Variants in SPG11 observed in about 807,000 individuals in gnomAD.
SPG11 encodes the protein spatacsin.
Under a neutral mutation model 274.0 loss-of-function variants are expected in SPG11, and 222 were observed. The ratio of observed to expected loss-of-function variants is 0.81; its 90% CI spans 0.73 to 0.91. The LOEUF is 0.91. Ranked by LOEUF, SPG11 falls within the 40% of genes least tolerant of loss-of-function variation. SPG11 has a pLI of 0.00. For synonymous variants in SPG11, 1,144 were observed against 1,039.7 expected, an observed-to-expected ratio of 1.10 and a Z score of -1.93; for missense variants, 3,114 against 2,872.7, an observed-to-expected ratio of 1.08 and a Z score of -1.92.
At chr15:44,582,374 C>G (rs548932811) in intron 30 of SPG11, among the ~76,000 whole-genome samples, 1 of 152,048 alleles carries the variant, frequency 6.6e-6, no homozygotes, top group Non-Finnish European at 1.5e-5. Flanking sequence ...ATAGTGGAAC[C>G]CCATCTCTAC....
At chr15:44,619,947 C>G (rs541674696) in intron 15 of SPG11, among the ~76,000 whole-genome samples, 2 of 152,188 alleles carry the variant, frequency 1.3e-5, no homozygotes, top group African/African-American at 4.8e-5. Flanking sequence ...AACTCCTGAC[C>G]TCAGGTGATC....
In SPG11 at chr15:44,573,566, A is replaced by T; in HGVS notation, c.6186T>A (p.Leu2062=). The T allele has an allele frequency of 6.2e-7, 1 of 1,614,162 alleles. No individual in the cohort carries two copies. Among genetic ancestry groups the T allele is most frequent in the Non-Finnish European group, 8.5e-7 (1 of 1,180,012 alleles). Residue 2062 remains leucine (L), a synonymous_variant, in exon 32 of 40, where the codon CTT becomes CTA. Coordinates refer to ENST00000261866, the MANE Select transcript of SPG11 (RefSeq NM_025137.4). ...GGGCACCTGTTCCCTGTGATGAAGTAAGCAGCTCCCGTGTCACCTCTTCTG... is the reference window on the plus strand; with the variant it reads ...GGGCACCTGTTCCCTGTGATGAAGTTAGCAGCTCCCGTGTCACCTCTTCTG... ...LVAEEVTREL[L]TSSQGTGHKQ...
Position 44,585,648 on chromosome 15 carries a change from C to A in SPG11, c.5109G>T (p.Leu1703Phe). ...AGACCGATGATACCTCTTTAATAACCAAGTTGTCCACAGGTAACTCAGCTA... is the reference window on the plus strand; with the variant it reads ...AGACCGATGATACCTCTTTAATAACAAAGTTGTCCACAGGTAACTCAGCTA... Reference protein sequence around the residue: ...AELAELPVDNLVIKEITQEMQ... With the variant: ...AELAELPVDNFVIKEITQEMQ... Residue 1703 changes from leucine (L) to phenylalanine (F), a missense_variant, in exon 29 of 40, where the codon TTG becomes TTT. Physicochemically the swap from Leu to Phe is conservative, Grantham distance 22. Coordinates refer to ENST00000261866, the MANE Select transcript of SPG11 (RefSeq NM_025137.4). The A allele has an allele frequency of 6.3e-7, 1 of 1,586,614 alleles. No individual in the cohort carries two copies. The highest frequency in any genetic ancestry group is 1.1e-5 in the South Asian group (1 of 90,560).
chr15:44,566,151 A>G, intron 37 of SPG11, 66 bp downstream of exon 37: 1 of 1,602,820 alleles, frequency 6.2e-7, no homozygotes, highest in Non-Finnish European at 8.5e-7. Flanking sequence ...GCCCAAGGAC[A>G]AAAGAAAATA....
intron 11 of SPG11, 42 bp from the exon 12 acceptor site, chr15:44,622,841 A>T: frequency 7.0e-7 from 1 of 1,427,180 alleles, no homozygotes; most frequent in South Asian, 1.1e-5. Flanking sequence ...ACATTTTGTA[A>T]TGGAACTATT....
In SPG11 at chr15:44,589,393, C is replaced by T; in HGVS notation, c.4765G>A (p.Val1589Ile). The T allele has an allele frequency of 6.2e-7, 1 of 1,614,036 alleles. No homozygotes were observed. Among genetic ancestry groups the T allele is most frequent in the Non-Finnish European group, 8.5e-7 (1 of 1,179,928 alleles). ...CACATGGCAGGGATGACAGGGTGGA[C>T]CTTTGTGGCTGCTGTGTTAAGCTAT... ...LETLNTAATK[V>I]HPVIPAMWLE... is the part of the protein sequence containing the mutation. Residue 1589 changes from valine to isoleucine, a missense_variant, in exon 28 of 40, where the codon GTC (valine) becomes ATC (isoleucine). Val to Ile is a conservative substitution (Grantham distance 29, BLOSUM62 3). Transcript: ENST00000261866.
rs1478827562 is a variant in SPG11 at position 44,585,627 on chromosome 15, C to T, written c.5121+9G>A. On this transcript the variant is annotated intron_variant, in intron 29 of 39. Coordinates refer to ENST00000261866, the MANE Select transcript of SPG11 (RefSeq NM_025137.4). Reference sequence around the variant, plus strand: ...TAAAAAAAAAAAAAAAAAAAAAGACCGATGATACCTCTTTAATAACCAAGT... The same window carrying T: ...TAAAAAAAAAAAAAAAAAAAAAGACTGATGATACCTCTTTAATAACCAAGT... 5 of 1,554,272 alleles carry T rather than the reference C, an allele frequency of 3.2e-6. No homozygotes were observed. Among genetic ancestry groups the T allele is most frequent in the South Asian group, 1.1e-5 (1 of 88,240 alleles).
intron 6 of SPG11, among the ~76,000 whole-genome samples, chr15:44,650,937 A>G (rs973987938): frequency 3.3e-5 from 5 of 152,104 alleles, no homozygotes; most frequent in African/African-American, 1.2e-4. Context: ...TAGTAGAGAC[A>G]GGGTTTCACC....
chr15:44,563,068 A>C lies in SPG11; in HGVS notation c.*53T>G. On this transcript the variant is annotated 3_prime_UTR_variant, in exon 40 of 40. Coordinates refer to ENST00000261866, the MANE Select transcript of SPG11 (RefSeq NM_025137.4). ...TCTCCAATGCATTCTTCTTCTCATC[A>C]CATCTGTCAGAATCTGCTAACAGTA... 3 of 1,551,610 alleles carry C rather than the reference A, an allele frequency of 1.9e-6. No individual in the cohort carries two copies. The highest frequency in any genetic ancestry group is 1.7e-4 in the Middle Eastern group (1 of 5,956).
rs1336632469 is a variant in SPG11, at chr15:44,613,553, C to G, written c.3039-17G>C. ...GGACTAAGTCTGTATATAAAACAAA[C>G]AAAAACCTTCTTTGATTAACATACA... On this transcript the variant is annotated splice_polypyrimidine_tract_variant and intron_variant, in intron 16 of 39. Transcript: ENST00000261866. 6.6e-7 allele frequency: 1 copy of G among 1,511,376 alleles called. No individual in the cohort carries two copies. Among genetic ancestry groups the G allele is most frequent in the Non-Finnish European group, 9.2e-7 (1 of 1,087,446 alleles). 93.6% of individuals were successfully genotyped at this position (1,511,376 alleles called of 1,614,324 possible).
intron 33 of SPG11, among the ~76,000 whole-genome samples, chr15:44,571,322 A>G (rs137858702): frequency 1.3e-5 from 2 of 151,686 alleles, no homozygotes; most frequent in East Asian, 3.9e-4. Context: ...CTCTATCTTG[A>G]CCCCATCATT....
At chr15:44,656,632 C>T (rs2084949115) in intron 4 of SPG11, among the ~76,000 whole-genome samples, 1 of 152,028 alleles carries the variant, frequency 6.6e-6, no homozygotes, top group South Asian at 2.1e-4. Context: ...GGGACGACTT[C>T]AAATATTGAT....
In SPG11 at chr15:44,598,781, G is replaced by GT. The variant is rs312262757; in HGVS notation, c.3741dup (p.Pro1248ThrfsTer17). 13 of 1,614,200 alleles carry GT rather than the reference G, an allele frequency of 8.1e-6. No homozygotes were observed. Among genetic ancestry groups the GT allele is most frequent in the Admixed American group, 1.7e-5 (1 of 60,028 alleles). ...CAAACACATGCAGCTCCTATTGAAG[G>GT]TATGTGGAAGGAGGAGAGCCCTATA... On this transcript the variant is annotated frameshift_variant, in exon 22 of 40. Coordinates refer to ENST00000261866, the MANE Select transcript of SPG11 (RefSeq NM_025137.4). LOFTEE classifies it high-confidence loss of function.
At chr15:44,577,168 T>C (rs1439204448) in intron 30 of SPG11, among the ~76,000 whole-genome samples, 1 of 152,110 alleles carries the variant, frequency 6.6e-6, no homozygotes, top group African/African-American at 2.4e-5. Flanking sequence ...TGTTATGTGA[T>C]TTGCTACACT....
At chr15:44,653,396 C>T (rs371002769) in intron 4 of SPG11, among the ~76,000 whole-genome samples, 2 of 151,840 alleles carry the variant, frequency 1.3e-5, no homozygotes, top group South Asian at 2.1e-4. Context: ...GAAGGTAGGG[C>T]GAAAATGAGA....
At chr15:44,589,840 C>G (rs1276629226) in intron 27 of SPG11, among the ~76,000 whole-genome samples, 1 of 152,264 alleles carries the variant, frequency 6.6e-6, no homozygotes, top group African/African-American at 2.4e-5. Flanking sequence ...CAGTCTCACT[C>G]TGTTGCCTAG....
Position 44,589,555 on chromosome 15 carries a change from C to A in SPG11, c.4744-141G>T, listed in dbSNP as rs1461494938. On this transcript the variant is annotated intron_variant, in intron 27 of 39. Transcript: ENST00000261866. ...CATGAGGCACTTACTCAGTTCCTTT[C>A]CAAATGGCAGGAACTGGTAATGGGG... The A allele has an allele frequency of 1.5e-5, 15 of 988,548 alleles. No homozygotes were observed. In the East Asian group the frequency reaches 3.9e-4, roughly 26 times the overall value. 61.2% of individuals were successfully genotyped at this position (988,548 alleles called of 1,614,324 possible). A position where few individuals can be genotyped will look rare whatever the true frequency, so the allele number is the denominator to read the frequency against.
At chr15:44,587,714 A>G (rs1012673487) in intron 28 of SPG11, among the ~76,000 whole-genome samples, 1 of 150,924 alleles carries the variant, frequency 6.6e-6, no homozygotes, top group African/African-American at 2.4e-5. Flanking sequence ...AAAAAAAAAA[A>G]AAAAAACGTA....
At chr15:44,599,894 C>G (rs1324493727) in intron 21 of SPG11, among the ~76,000 whole-genome samples, 1 of 152,060 alleles carries the variant, frequency 6.6e-6, no homozygotes, top group African/African-American at 2.4e-5. Context: ...ATGTGCAGAA[C>G]ATGCAGGTTA....
Sources: allele counts gnomAD v4.1 joint callset (sites outside exome capture counted in the v4.1 genomes callset), GRCh38; gene constraint gnomAD v4.1.1; transcripts MANE v1.5; gene names NCBI Gene and HGNC (gene_info 2026-07-23, HGNC 2026-07-21).